The following CLVS1 variants were observed in gnomAD, a reference collection of about 807,000 sequenced individuals.
CLVS1 encodes the protein clavesin 1.
CLVS1 carries 10 observed loss-of-function variants against 33.1 expected under a neutral mutation model. That is an observed-to-expected ratio of 0.30 (90% CI 0.19 to 0.51). CLVS1 has a LOEUF of 0.51. CLVS1 is among the 20% of genes least tolerant of loss of function. The probability of loss-of-function intolerance (pLI) is 0.97; values close to 1 mark genes in which losing one functional copy is unlikely to be tolerated. For missense variants in CLVS1, 343 were observed against 433.4 expected (o/e 0.79, Z 1.85); for synonymous variants, 163 against 166.1 (o/e 0.98, Z 0.14).
intron 2 of CLVS1, among the ~76,000 whole-genome samples, chr8:61,221,286 C>G (rs911138006): frequency 1.3e-5 from 2 of 152,092 alleles, no homozygotes; most frequent in Non-Finnish European, 2.9e-5. Flanking sequence ...ATGCTTCCAG[C>G]TTTTGCCCAT....
At chr8:61,041,793 G>C in the CLVS1 span, among the ~76,000 whole-genome samples, 1 of 152,156 alleles carries the variant, frequency 6.6e-6, no homozygotes, top group Non-Finnish European at 1.5e-5. Flanking sequence ...TTTCTAGGTA[G>C]AGAATCATAT....
At chr8:61,467,817 T>G (rs1055015622) in intron 5 of CLVS1, among the ~76,000 whole-genome samples, 1 of 152,186 alleles carries the variant, frequency 6.6e-6, no homozygotes, top group Admixed American at 6.5e-5. Flanking sequence ...AGAATACATT[T>G]TATTATTCTT....
At chr8:61,142,059 C>A (rs4738870) in intron 2 of CLVS1, among the ~76,000 whole-genome samples, 31,390 of 152,142 alleles carry the variant, frequency 0.21, 3,516 homozygotes, top group Admixed American at 0.29. Flanking sequence ...CTTGTGCAGA[C>A]CCTCTTTGTA....
chr8:61,379,809 C>T (rs1813793383), intron 3 of CLVS1, among the ~76,000 whole-genome samples: 1 of 152,218 alleles, frequency 6.6e-6, no homozygotes, highest in Non-Finnish European at 1.5e-5. Context: ...AGTGAAGCCT[C>T]GGACATTCTG....
In CLVS1 at chr8:61,121,246, C is replaced by T. The variant is rs544633633; in HGVS notation, c.-242-10524C>T. On this transcript the variant is annotated intron_variant, in intron 1 of 2. Coordinates refer to the CLVS1 transcript ENST00000522621. ...CCTGCTTCGGCTCGCTCACGGTGCG[C>T]GCACCCACTGACCTGCACCCACTGT... Among the ~76,000 whole-genome samples, 509 of 152,086 alleles carry T rather than the reference C, an allele frequency of 3.3e-3. 3 individuals are homozygous for T. Among genetic ancestry groups the T allele is most frequent in the African/African-American group, 0.011 (473 of 41,466 alleles).
At chr8:61,165,045 T>G (rs1241509917) in intron 2 of CLVS1, among the ~76,000 whole-genome samples, 2 of 152,166 alleles carry the variant, frequency 1.3e-5, no homozygotes, top group Non-Finnish European at 2.9e-5. Flanking sequence ...TTAGAAGCCG[T>G]GGGTCACGGA....
intron 1 of CLVS1, among the ~76,000 whole-genome samples, chr8:61,100,523 A>G (rs1170509007): frequency 6.6e-6 from 1 of 152,216 alleles, no homozygotes; most frequent in Non-Finnish European, 1.5e-5. Flanking sequence ...AAGACTTTTA[A>G]AAATTGTTCT....
chr8:61,461,913 G>T (rs1817381364), intron 5 of CLVS1, among the ~76,000 whole-genome samples: 1 of 135,576 alleles, frequency 7.4e-6, no homozygotes, highest in Non-Finnish European at 1.7e-5. Context: ...ATAATCTTAT[G>T]ATGGGAAAAC....
intron 5 of CLVS1, among the ~76,000 whole-genome samples, chr8:61,493,822 G>A (rs1406531598): frequency 1.3e-5 from 2 of 152,176 alleles, no homozygotes; most frequent in Non-Finnish European, 2.9e-5. Flanking sequence ...GAATGATGAT[G>A]TTGGTCCTGG....
At chr8:61,081,816 A>G (rs1353049006) in intron 1 of CLVS1, among the ~76,000 whole-genome samples, 1 of 152,250 alleles carries the variant, frequency 6.6e-6, no homozygotes, top group Non-Finnish European at 1.5e-5. Context: ...GAAGTTACAG[A>G]AAATCACAGC....
intron 1 of CLVS1, among the ~76,000 whole-genome samples, chr8:61,091,175 A>G (rs1364099149): frequency 6.6e-6 from 1 of 152,226 alleles, no homozygotes; most frequent in African/African-American, 2.4e-5. Context: ...AGTGAAGCAC[A>G]GAGGAGAAGG....
chr8:60,968,998 A>C, the CLVS1 span, among the ~76,000 whole-genome samples: 1 of 151,820 alleles, frequency 6.6e-6, no homozygotes, highest in African/African-American at 2.4e-5. Flanking sequence ...TGTGTTCTGA[A>C]CAAACATGTA....
At chr8:61,000,475 T>G in the CLVS1 span, among the ~76,000 whole-genome samples, 1 of 151,762 alleles carries the variant, frequency 6.6e-6, no homozygotes, top group Non-Finnish European at 1.5e-5. Flanking sequence ...TCAAGGGGAG[T>G]GGGAGGGCAC....
In CLVS1 at chr8:61,090,475, T is replaced by C. The variant is rs180948369; in HGVS notation, c.-243+33245T>C. 1.0e-3 allele frequency among the ~76,000 whole-genome samples: 152 copies of C among 152,004 alleles called. No individual in the cohort carries two copies. In the Middle Eastern group the frequency reaches 0.021, roughly 21 times the overall value. On this transcript the variant is annotated intron_variant, in intron 1 of 2. Transcript: ENST00000522621. Reference sequence around the variant, plus strand: ...AGCCTGTTGGACTCCCAAAATTCGATAGGCAGAAAACAGGCTTACAAAATG... The same window carrying C: ...AGCCTGTTGGACTCCCAAAATTCGACAGGCAGAAAACAGGCTTACAAAATG...
chr8:61,062,711 T>A (rs1027259171), intron 1 of CLVS1, among the ~76,000 whole-genome samples: 2 of 152,232 alleles, frequency 1.3e-5, no homozygotes, highest in Non-Finnish European at 2.9e-5. Context: ...TTTGACTGCA[T>A]TATGGTCCAC....
chr8:61,259,587 C>G (rs1809155952), intron 2 of CLVS1, among the ~76,000 whole-genome samples: 1 of 152,144 alleles, frequency 6.6e-6, no homozygotes, highest in African/African-American at 2.4e-5. Flanking sequence ...AATCGAAGAT[C>G]TGGTAATAAA....
At chr8:61,309,117 C>T (rs1810741581) in intron 2 of CLVS1, among the ~76,000 whole-genome samples, 2 of 152,162 alleles carry the variant, frequency 1.3e-5, no homozygotes, top group African/African-American at 4.8e-5. Flanking sequence ...GATGCGTGTG[C>T]ATTAGAAGTT....
intron 5 of CLVS1, among the ~76,000 whole-genome samples, chr8:61,496,895 C>A (rs879882853): frequency 2.2e-4 from 34 of 152,184 alleles, no homozygotes; most frequent in Admixed American, 1.3e-3. Context: ...GTCAACATCT[C>A]CACTTTCTAT....
Position 61,077,441 on chromosome 8 carries a change from GTATTATTATTATTATTATTATTAT to G in CLVS1, c.-243+20240_-243+20263del, listed in dbSNP as rs57149995. Among the ~76,000 whole-genome samples the G allele has an allele frequency of 8.0e-3, 1,113 of 138,314 alleles. 17 individuals carry two copies. The highest frequency in any genetic ancestry group is 0.028 in the African/African-American group (1,050 of 37,928). The allele number at this position is 138,314 out of a possible 152,430, so 90.7% of individuals were successfully genotyped here. A position where few individuals can be genotyped will look rare whatever the true frequency, so the allele number is the denominator to read the frequency against. ...CTTAAAGTCAAGGGACCCTCTAAAA[GTATTATTATTATTATTATTATTAT>G]TATTATTATTATTATTATTATTATT... On this transcript the variant is annotated intron_variant, in intron 1 of 2. Transcript: ENST00000522621.
Sources: gnomAD v4.1 joint callset for allele counts (sites outside exome capture counted in the v4.1 genomes callset) on GRCh38, gnomAD v4.1.1 for gene constraint, MANE v1.5 for transcripts, NCBI Gene and HGNC (gene_info 2026-07-23, HGNC 2026-07-21) for gene names.